HYCC2: variants seen among roughly 807,000 people sequenced by gnomAD.
HYCC2 encodes hyccin 2.
the HYCC2 span, among the ~76,000 whole-genome samples, chr2:201,050,931 G>A: frequency 1.3e-5 from 2 of 151,990 alleles, no homozygotes; most frequent in Non-Finnish European, 2.9e-5. Flanking sequence ...GCAAGACTCC[G>A]TCTCAAAACA....
the HYCC2 span, among the ~76,000 whole-genome samples, chr2:201,061,800 C>T: frequency 1.8e-4 from 28 of 152,208 alleles, 1 homozygote; most frequent in South Asian, 5.6e-3. Context: ...ACCCAACAGA[C>T]TTGCATAAAA....
the HYCC2 span, among the ~76,000 whole-genome samples, chr2:201,068,453 G>A: frequency 6.6e-6 from 1 of 152,054 alleles, no homozygotes; most frequent in African/African-American, 2.4e-5. Context: ...TTAGACCAAG[G>A]CACTTCCACT....
chr2:201,041,060 T>G, the HYCC2 span, among the ~76,000 whole-genome samples: 1 of 152,168 alleles, frequency 6.6e-6, no homozygotes, highest in Non-Finnish European at 1.5e-5. Context: ...AAACTGGGAA[T>G]AGCGGTACCT....
At chr2:200,991,754 A>AAAAT in the HYCC2 span, among the ~76,000 whole-genome samples, 41,931 of 151,164 alleles carry the variant, frequency 0.28, 8,182 homozygotes, top group African/African-American at 0.55. Context: ...ATAAAAATAA[A>AAAAT]AAATTTAAAA....
At chr2:201,002,283 A>C in the HYCC2 span, among the ~76,000 whole-genome samples, 1 of 147,312 alleles carries the variant, frequency 6.8e-6, no homozygotes, top group Non-Finnish European at 1.5e-5. Flanking sequence ...CAATCAGCCA[A>C]AAAAAAAAAA....
the HYCC2 span, among the ~76,000 whole-genome samples, chr2:201,020,994 C>A: frequency 6.6e-6 from 1 of 152,060 alleles, no homozygotes; most frequent in Non-Finnish European, 1.5e-5. Flanking sequence ...GTCTCAATCT[C>A]TTGACCTCAT....
At chr2:200,985,947 T>C in the HYCC2 span, among the ~76,000 whole-genome samples, 1 of 152,218 alleles carries the variant, frequency 6.6e-6, no homozygotes, top group Non-Finnish European at 1.5e-5. Context: ...CATAGTACTA[T>C]ATTTAGCATA....
chr2:200,994,260 G>A, the HYCC2 span, among the ~76,000 whole-genome samples: 7 of 151,028 alleles, frequency 4.6e-5, no homozygotes, highest in South Asian at 2.1e-4. Flanking sequence ...TTTTGGAGAC[G>A]GAGTCTCGCT....
At chr2:201,048,974 A>C in the HYCC2 span, among the ~76,000 whole-genome samples, 1 of 151,866 alleles carries the variant, frequency 6.6e-6, no homozygotes, top group South Asian at 2.1e-4. Context: ...ACAAACAAAA[A>C]AACAACAACC....
chr2:201,034,402 T>C, the HYCC2 span, among the ~76,000 whole-genome samples: 7 of 152,334 alleles, frequency 4.6e-5, no homozygotes, highest in Admixed American at 4.6e-4. Flanking sequence ...GTTTAAAGTC[T>C]GTTTTATCAG....
the HYCC2 span, among the ~76,000 whole-genome samples, chr2:201,052,450 T>A: frequency 4.0e-5 from 6 of 151,240 alleles, no homozygotes; most frequent in African/African-American, 9.7e-5. Flanking sequence ...GCAAAAAAAA[T>A]TTTAAAAATT....
chr2:201,069,543 A>AACAC, the HYCC2 span, among the ~76,000 whole-genome samples: 35 of 143,740 alleles, frequency 2.4e-4, no homozygotes, highest in East Asian at 1.2e-3. Context: ...CATAAGAAGA[A>AACAC]ACACACACAC....
the HYCC2 span, among the ~76,000 whole-genome samples, chr2:201,030,980 C>T: frequency 7.9e-5 from 12 of 152,216 alleles, no homozygotes; most frequent in Non-Finnish European, 1.3e-4. Flanking sequence ...CTTATATTAC[C>T]ACAACATTGT....
the HYCC2 span, among the ~76,000 whole-genome samples, chr2:201,019,010 A>G: frequency 6.6e-6 from 1 of 152,236 alleles, no homozygotes; most frequent in Non-Finnish European, 1.5e-5. Context: ...GTTTAATCAC[A>G]AAACAGTGTA....
the HYCC2 span, among the ~76,000 whole-genome samples, chr2:201,027,897 C>T: frequency 6.6e-6 from 1 of 152,172 alleles, no homozygotes; most frequent in Non-Finnish European, 1.5e-5. Flanking sequence ...CCTTTGAAAA[C>T]TGGCACAAGA....
the HYCC2 span, among the ~76,000 whole-genome samples, chr2:201,044,180 T>A: frequency 6.6e-6 from 1 of 152,252 alleles, no homozygotes; most frequent in Non-Finnish European, 1.5e-5. Flanking sequence ...TTCCAGAATG[T>A]ATAACAAAGA....
At chr2:200,991,227 T>A in the HYCC2 span, among the ~76,000 whole-genome samples, 20 of 152,344 alleles carry the variant, frequency 1.3e-4, no homozygotes, top group African/African-American at 4.3e-4. Context: ...CCCAGCACTC[T>A]GGGAGGCCAA....
chr2:200,981,715 G>A, the HYCC2 span: 15 of 1,614,140 alleles, frequency 9.3e-6, no homozygotes, highest in Non-Finnish European at 1.3e-5. This position sits in a 1 kb window ranked among gnomAD's most constrained non-coding sequence, Gnocchi z 4.5. Flanking sequence ...ATCCTTGGCT[G>A]AACGCCCAGT....
chr2:201,023,756 T>C, the HYCC2 span: 1 of 443,478 alleles, frequency 2.3e-6, no homozygotes, highest in Non-Finnish European at 4.1e-6. Context: ...ATGTATCACC[T>C]TCTAGCCATT....
Sources: gnomAD v4.1 joint callset for allele counts (sites outside exome capture counted in the v4.1 genomes callset) on GRCh38, gnomAD v4.1.1 for gene constraint, Gnocchi (gnomAD v3.1) non-coding constraint, MANE v1.5 for transcripts, NCBI Gene and HGNC (gene_info 2026-07-23, HGNC 2026-07-21) for gene names.